Variants in FRMPD4 observed in about 807,000 individuals in gnomAD.
The protein encoded by FRMPD4 is FERM and PDZ domain-containing protein 4.
In FRMPD4, 22 loss-of-function variants were observed where a neutral mutation model predicts 94.1. The ratio of observed to expected loss-of-function variants is 0.23; its 90% CI spans 0.17 to 0.33. The LOEUF (loss-of-function observed/expected upper bound fraction) is 0.33. Ranked by LOEUF, FRMPD4 falls within the 10% of genes least tolerant of loss-of-function variation. The probability of loss-of-function intolerance (pLI) is 1.00; values close to 1 mark genes in which losing one functional copy is unlikely to be tolerated. For missense variants in FRMPD4, 1,111 were observed against 1,339.9 expected (o/e 0.83, Z 2.67); for synonymous variants, 631 against 548.6 (o/e 1.15, Z -2.10).
chrX:12,045,994 T>C (rs957792753), intron 3 of FRMPD4, among the ~76,000 whole-genome samples: 2 of 111,242 alleles, frequency 1.8e-5, no homozygotes, highest in African/African-American at 6.5e-5. Flanking sequence ...CAAAAATTAT[T>C]ATTAGGGATA....
intron 1 of FRMPD4, among the ~76,000 whole-genome samples, chrX:12,139,548 T>TG (rs2055658640): frequency 1.0e-5 from 1 of 97,207 alleles, no homozygotes; most frequent in African/African-American, 3.8e-5. Context: ...GCCTTTTTTT[T>TG]TTTGGGGGGG....
intron 1 of FRMPD4, among the ~76,000 whole-genome samples, chrX:12,416,816 T>C (rs1189175448): frequency 2.7e-5 from 3 of 111,898 alleles, no homozygotes; most frequent in African/African-American, 9.7e-5. Flanking sequence ...GGTTGTACCT[T>C]TCCTTTAGCC....
chrX:12,438,592 C>T (rs763688701), intron 1 of FRMPD4, among the ~76,000 whole-genome samples: 6 of 110,965 alleles, frequency 5.4e-5, no homozygotes, highest in Non-Finnish European at 9.4e-5. Context: ...GGATGTCTCC[C>T]AAGCAAGAGA....
intron 4 of FRMPD4, among the ~76,000 whole-genome samples, chrX:12,670,113 G>C (rs2059824049): frequency 8.9e-6 from 1 of 111,799 alleles, no homozygotes; most frequent in Admixed American, 9.5e-5. Context: ...ACTGAGCATT[G>C]CTCTAGAGAA....
chrX:11,971,528 A>G lies in FRMPD4; in HGVS notation c.95+93510A>G, dbSNP rs2054340099. ...ATCAGCTCATAGCTGGCATTCAATA[A>G]ATGCTTTCATTTTAATGAATAAATT... On this transcript the variant is annotated intron_variant, in intron 3 of 18. Coordinates refer to the FRMPD4 transcript ENST00000640291. Among the ~76,000 whole-genome samples, 3 of 112,879 alleles carry G rather than the reference A, an allele frequency of 2.7e-5. No individual in the cohort carries two copies. The Admixed American group carries it at 2.8e-4, about 11-fold the overall frequency.
chrX:12,679,184 T>C (rs1474862696), intron 5 of FRMPD4, among the ~76,000 whole-genome samples: 1 of 111,285 alleles, frequency 9.0e-6, no homozygotes, highest in Admixed American at 9.4e-5. Context: ...AGCATGCTCA[T>C]GGAGCAGGCC....
At chrX:12,117,005 A>G (rs2055414875) in intron 3 of FRMPD4, among the ~76,000 whole-genome samples, 1 of 111,935 alleles carries the variant, frequency 8.9e-6, no homozygotes, top group Non-Finnish European at 1.9e-5. Context: ...TGTGCCAGAG[A>G]ACTGGTTAAT....
At chrX:12,058,697 A>C (rs1328639396) in intron 3 of FRMPD4, among the ~76,000 whole-genome samples, 1 of 111,554 alleles carries the variant, frequency 9.0e-6, no homozygotes, top group Non-Finnish European at 1.9e-5. Flanking sequence ...AAAATGATTA[A>C]AAGATGCATT....
intron 5 of FRMPD4, among the ~76,000 whole-genome samples, chrX:12,682,958 A>G (rs1235137261): frequency 8.9e-6 from 1 of 112,112 alleles, no homozygotes; most frequent in Admixed American, 9.5e-5. Context: ...ATAAGGCATG[A>G]GTGCTTGAGA....
chrX:12,126,331 G>A (rs2055500012), intron 3 of FRMPD4, among the ~76,000 whole-genome samples: 2 of 112,167 alleles, frequency 1.8e-5, no homozygotes, highest in African/African-American at 6.5e-5. Flanking sequence ...AAAAAGCCAT[G>A]GAGAGGAGAA....
intron 3 of FRMPD4, among the ~76,000 whole-genome samples, chrX:11,882,740 G>A (rs926618445): frequency 9.0e-6 from 1 of 111,436 alleles, no homozygotes; most frequent in Non-Finnish European, 1.9e-5. Context: ...TCTGAAATCC[G>A]AAACACTTCT....
intron 3 of FRMPD4, among the ~76,000 whole-genome samples, chrX:11,917,018 G>A (rs1459652538): frequency 8.9e-6 from 1 of 112,070 alleles, no homozygotes; most frequent in Non-Finnish European, 1.9e-5. Context: ...CTGAAGGAGA[G>A]AGTTGGGAAA....
intron 3 of FRMPD4, among the ~76,000 whole-genome samples, chrX:11,968,577 C>T (rs1015482684): frequency 9.0e-6 from 1 of 111,495 alleles, no homozygotes; most frequent in African/African-American, 3.3e-5. Flanking sequence ...ATTCAACCCA[C>T]ACAAAGGGCC....
chrX:12,440,737 G>A (rs984228304), intron 1 of FRMPD4, among the ~76,000 whole-genome samples: 1 of 110,709 alleles, frequency 9.0e-6, no homozygotes, highest in Non-Finnish European at 1.9e-5. Context: ...GAAAAAGAGG[G>A]GATCTGAGGA....
At chrX:12,535,084 A>G in intron 2 of FRMPD4, among the ~76,000 whole-genome samples, 1 of 111,608 alleles carries the variant, frequency 9.0e-6, no homozygotes, top group Non-Finnish European at 1.9e-5. Flanking sequence ...TGTGATAGTG[A>G]ATAAGTCTCA....
intron 3 of FRMPD4, among the ~76,000 whole-genome samples, chrX:11,933,205 C>T (rs2054131727): frequency 8.9e-6 from 1 of 112,464 alleles, no homozygotes; most frequent in Admixed American, 9.4e-5. Context: ...GAAAAGGCTG[C>T]TGGTTCCAGA....
intron 2 of FRMPD4, among the ~76,000 whole-genome samples, chrX:12,501,991 T>C (rs1372056934): frequency 8.9e-6 from 1 of 112,023 alleles, no homozygotes; most frequent in Non-Finnish European, 1.9e-5. Context: ...TGCTAATATA[T>C]GTTTTTATAA....
At chrX:12,608,126 A>G (rs2059148465) in intron 2 of FRMPD4, among the ~76,000 whole-genome samples, 1 of 112,678 alleles carries the variant, frequency 8.9e-6, no homozygotes, top group African/African-American at 3.2e-5. Flanking sequence ...CTTACATTAC[A>G]TTAAGGAGAT....
chrX:12,655,037 G>C (rs1307442895), intron 4 of FRMPD4, among the ~76,000 whole-genome samples: 2 of 111,977 alleles, frequency 1.8e-5, no homozygotes, highest in African/African-American at 6.5e-5. Flanking sequence ...AGTAATTTGT[G>C]TAGTACACTG....
Sources: allele counts gnomAD v4.1 joint callset (sites outside exome capture counted in the v4.1 genomes callset), GRCh38; gene constraint gnomAD v4.1.1; transcripts MANE v1.5; gene names NCBI Gene and HGNC (gene_info 2026-07-23, HGNC 2026-07-21).